TPST1: variants seen among roughly 807,000 people sequenced by gnomAD.
The protein encoded by TPST1 is protein-tyrosine sulfotransferase 1.
Under a neutral mutation model 34.8 loss-of-function variants are expected in TPST1, and 20 were observed. That is an observed-to-expected ratio of 0.57 (90% confidence interval 0.40 to 0.84). The LOEUF (loss-of-function observed/expected upper bound fraction) is 0.84, where lower values mean the gene tolerates loss of function less well. TPST1 is among the 40% of genes least tolerant of loss of function. The pLI is 0.00. For missense variants in TPST1, 353 were observed against 455.5 expected, an observed-to-expected ratio of 0.78 and a Z score of 2.05; for synonymous variants, 152 against 159.4, an observed-to-expected ratio of 0.95 and a Z score of 0.35.
At chr7:66,222,713 C>T (rs942982311) in intron 1 of TPST1, among the ~76,000 whole-genome samples, 3 of 152,110 alleles carry the variant, frequency 2.0e-5, no homozygotes, top group African/African-American at 7.2e-5. Flanking sequence ...GGGAATGATT[C>T]TCAGGGGGTC....
At chr7:66,230,957 A>G (rs1337752037) in intron 1 of TPST1, among the ~76,000 whole-genome samples, 3 of 152,186 alleles carry the variant, frequency 2.0e-5, no homozygotes, top group Non-Finnish European at 4.4e-5. Context: ...CCACCAGAGC[A>G]GCTAGATACA....
At chr7:66,344,141 A>G (rs1268381371) in intron 3 of TPST1, among the ~76,000 whole-genome samples, 1 of 152,202 alleles carries the variant, frequency 6.6e-6, no homozygotes, top group African/African-American at 2.4e-5. Context: ...CTCACACTGT[A>G]TCTCCACACT....
chr7:66,232,643 C>T (rs1323348093), intron 1 of TPST1, among the ~76,000 whole-genome samples: 4 of 152,152 alleles, frequency 2.6e-5, no homozygotes, highest in Non-Finnish European at 4.4e-5. Context: ...AGGCATGAGC[C>T]ACCGCGCCCG....
At chr7:66,253,194 G>GT (rs1361692391) in intron 2 of TPST1, among the ~76,000 whole-genome samples, 1 of 152,170 alleles carries the variant, frequency 6.6e-6, no homozygotes, top group Non-Finnish European at 1.5e-5. Context: ...AAGGGAAGAT[G>GT]TATGTAGGTT....
intron 3 of TPST1, among the ~76,000 whole-genome samples, chr7:66,346,107 T>A (rs1344571450): frequency 6.6e-6 from 1 of 152,046 alleles, no homozygotes; most frequent in Non-Finnish European, 1.5e-5. Flanking sequence ...TGGCTTATTT[T>A]ACTTAACATA....
intron 3 of TPST1, among the ~76,000 whole-genome samples, chr7:66,329,113 A>G (rs145380250): frequency 0.018 from 2,784 of 150,932 alleles, 109 homozygotes; most frequent in Admixed American, 0.099. Flanking sequence ...AGGCTTCTCC[A>G]TGTTGTCCAG....
At chr7:66,245,784 TG>T (rs1790134752) in intron 2 of TPST1, among the ~76,000 whole-genome samples, 1 of 152,200 alleles carries the variant, frequency 6.6e-6, no homozygotes, top group East Asian at 1.9e-4. Context: ...CACAAAGATA[TG>T]AGCATTAATA....
intron 3 of TPST1, 70 bp from the exon 4 acceptor site, chr7:66,352,435 A>G (rs1227548043): frequency 1.9e-6 from 3 of 1,573,146 alleles, no homozygotes; most frequent in South Asian, 2.4e-5. Flanking sequence ...ACGGTCAGGC[A>G]TGGCACATGT....
chr7:66,212,463 CTTTTTTT>C (rs756884668), intron 1 of TPST1, among the ~76,000 whole-genome samples: 2 of 60,934 alleles, frequency 3.3e-5, no homozygotes, highest in Admixed American at 1.5e-4. Flanking sequence ...TTTCTTTTTT[CTTTTTTT>C]TTTTTTTGAG....
chr7:66,218,429 ATGAG>A (rs1789470339), intron 1 of TPST1, among the ~76,000 whole-genome samples: 1 of 152,242 alleles, frequency 6.6e-6, no homozygotes, highest in Non-Finnish European at 1.5e-5. Context: ...ATTGAAATGT[ATGAG>A]TAAGAATTTT....
intron 3 of TPST1, among the ~76,000 whole-genome samples, chr7:66,316,373 T>C (rs1401694619): frequency 2.0e-5 from 3 of 152,158 alleles, no homozygotes; most frequent in Non-Finnish European, 4.4e-5. Flanking sequence ...AATCTTACTG[T>C]GTGTGTGTTC....
intron 2 of TPST1, among the ~76,000 whole-genome samples, chr7:66,244,946 A>G (rs1400396427): frequency 1.3e-5 from 2 of 152,248 alleles, no homozygotes; most frequent in Admixed American, 6.5e-5. Flanking sequence ...AGAACAAATA[A>G]GAACATGAAA....
chr7:66,360,285 G>GTGTGCCTGTTT lies in TPST1; in HGVS notation c.*421_*431dup, dbSNP rs1283432988. The GTGTGCCTGTTT allele has an allele frequency of 2.5e-5, 5 of 196,448 alleles. No individual in the cohort carries two copies. The highest frequency in any genetic ancestry group is 1.2e-4 in the African/African-American group (5 of 43,292). 12.2% of individuals were successfully genotyped at this position (196,448 alleles called of 1,614,324 possible). ...CATGTTCTAATGTTTTGTAGAACAC[G>GTGTGCCTGTTT]TGTGCCTGTTTAAGTGTATTGATGT... On this transcript the variant is annotated 3_prime_UTR_variant, in exon 6 of 6. Coordinates refer to ENST00000304842, the MANE Select transcript of TPST1 (RefSeq NM_003596.4).
At chr7:66,308,660 C>T (rs910056551) in intron 3 of TPST1, among the ~76,000 whole-genome samples, 8 of 152,166 alleles carry the variant, frequency 5.3e-5, no homozygotes, top group Non-Finnish European at 7.3e-5. Context: ...TTTCATCCTT[C>T]CCTTGGGTTC....
intron 3 of TPST1, among the ~76,000 whole-genome samples, chr7:66,317,554 C>T (rs996617815): frequency 1.1e-4 from 17 of 151,172 alleles, no homozygotes; most frequent in African/African-American, 3.6e-4. Context: ...TATAATTTCC[C>T]TAGTATATCG....
intron 3 of TPST1, among the ~76,000 whole-genome samples, chr7:66,297,703 A>T (rs553897006): frequency 1.3e-5 from 2 of 152,340 alleles, no homozygotes; most frequent in African/African-American, 4.8e-5. Context: ...CAGCTGGGGG[A>T]CAGGGGTTAG....
At chr7:66,230,404 C>A (rs1024127697) in intron 1 of TPST1, among the ~76,000 whole-genome samples, 1 of 152,162 alleles carries the variant, frequency 6.6e-6, no homozygotes, top group Non-Finnish European at 1.5e-5. Context: ...TCGCGGTGAG[C>A]GTTAAGCTCT....
chr7:66,210,924 A>G (rs1789228235), intron 1 of TPST1, among the ~76,000 whole-genome samples: 2 of 152,088 alleles, frequency 1.3e-5, no homozygotes, highest in South Asian at 2.1e-4. Context: ...AGCTATGATC[A>G]TGCCATTGCT....
At chr7:66,273,437 T>G (rs2115820854) in intron 2 of TPST1, among the ~76,000 whole-genome samples, 1 of 152,364 alleles carries the variant, frequency 6.6e-6, no homozygotes, top group South Asian at 2.1e-4. Context: ...GTAAAATTTA[T>G]GTAGAACTAC....
Sources: allele counts gnomAD v4.1 joint callset (sites outside exome capture counted in the v4.1 genomes callset), GRCh38; gene constraint gnomAD v4.1.1; transcripts MANE v1.5; gene names NCBI Gene and HGNC (gene_info 2026-07-23, HGNC 2026-07-21).